Variants in TP53I13 observed in about 807,000 individuals in gnomAD.
TP53I13 encodes tumor protein p53-inducible protein 13.
Under a neutral mutation model 39.1 loss-of-function variants are expected in TP53I13, and 27 were observed. The ratio of observed to expected loss-of-function variants is 0.69; its 90% CI spans 0.51 to 0.95. The LOEUF is 0.95. TP53I13 is among the 40% of genes least tolerant of loss of function. The pLI is 0.00. For missense variants in TP53I13, 544 were observed against 520.4 expected, an observed-to-expected ratio of 1.05 and a Z score of -0.44; for synonymous variants, 230 against 224.6, an observed-to-expected ratio of 1.02 and a Z score of -0.22.
downstream of TP53I13, chr17:29,575,188 G>T: frequency 1.3e-6 from 2 of 1,564,114 alleles, no homozygotes; most frequent in Non-Finnish European, 1.7e-6. The surrounding 1 kb of genome is among the most constrained non-coding windows in gnomAD (Gnocchi z 5.5). Context: ...CTCAAGGGAG[G>T]TTCCCAGGGA....
chr17:29,582,334 C>T, the TP53I13 span, among the ~76,000 whole-genome samples: 55,025 of 152,224 alleles, frequency 0.36, 11,325 homozygotes, highest in East Asian at 0.65. Context: ...CCGTCAGTCA[C>T]CATCTACCAC....
intron 4 of TP53I13, 28 bp from the exon 5 acceptor site, chr17:29,571,829 T>C: frequency 1.9e-6 from 3 of 1,612,834 alleles, no homozygotes; most frequent in Non-Finnish European, 2.5e-6. Flanking sequence ...ACCTTCCTCG[T>C]AGCTCTAACA....
At chr17:29,578,260 C>T in the TP53I13 span, 30 of 1,542,438 alleles carry the variant, frequency 1.9e-5, no homozygotes, top group South Asian at 7.8e-5. Context: ...CTGGGCCGCT[C>T]GGGTCCTCCA....
chr17:29,581,475 A>G, the TP53I13 span: 1 of 1,018,970 alleles, frequency 9.8e-7, no homozygotes, highest in South Asian at 1.3e-5. The surrounding 1 kb of genome is among the most constrained non-coding windows in gnomAD (Gnocchi z 4.8). Context: ...GCTGGCACCC[A>G]GAAGTGTCAG....
chr17:29,577,873 T>G, downstream of TP53I13: 1 of 656,286 alleles, frequency 1.5e-6, no homozygotes. Flanking sequence ...ACAGGGGTGG[T>G]CTTTGGGCAC....
At chr17:29,581,067 C>A in the TP53I13 span, 5 of 509,704 alleles carry the variant, frequency 9.8e-6, no homozygotes, top group Admixed American at 1.6e-4. This position sits in a 1 kb window ranked among gnomAD's most constrained non-coding sequence, Gnocchi z 4.8. Context: ...GCGTGAGCCA[C>A]CGCGCCCGGC....
chr17:29,576,167 C>A, downstream of TP53I13: 1 of 1,611,850 alleles, frequency 6.2e-7, no homozygotes, highest in Middle Eastern at 1.7e-4. Flanking sequence ...CATGGTGGAC[C>A]CTGCGGCAGC....
downstream of TP53I13, chr17:29,574,519 C>A (rs769006617): frequency 2.9e-5 from 19 of 661,660 alleles, no homozygotes; most frequent in Middle Eastern, 2.7e-4. Flanking sequence ...CCTGCCCCCC[C>A]ACCTCCCCAT....
chr17:29,575,930 G>A, downstream of TP53I13: 1 of 1,574,682 alleles, frequency 6.4e-7, no homozygotes, highest in Non-Finnish European at 8.7e-7. This position sits in a 1 kb window ranked among gnomAD's most constrained non-coding sequence, Gnocchi z 5.5. Flanking sequence ...GATGGAGTCA[G>A]TGTGCCCCAC....
downstream of TP53I13, chr17:29,577,144 C>T: frequency 6.2e-7 from 1 of 1,613,456 alleles, no homozygotes; most frequent in Non-Finnish European, 8.5e-7. Context: ...ACCTGTGGGG[C>T]TGCTCAGGCT....
chr17:29,572,885 C>T lies in TP53I13; in HGVS notation c.1143C>T (p.Pro381=), dbSNP rs1212860995. 5 of 1,515,010 alleles carry T rather than the reference C, an allele frequency of 3.3e-6. No homozygotes were observed. The East Asian group carries it at 1.3e-4, about 39-fold the overall frequency. The allele number at this position is 1,515,010 out of a possible 1,614,324, so 93.8% of individuals were successfully genotyped here. Residue 381 remains proline (P), a synonymous_variant, in exon 7 of 7, where the codon CCC becomes CCT. Coordinates refer to ENST00000301057, the MANE Select transcript of TP53I13 (RefSeq NM_138349.4). ...KRSRRRPLLP[P]TPDSGPEGES... ...CGCGCCGGAGACCCCTCCTCCCGCC[C>T]ACGCCGGACAGCGGCCCGGAAGGCG... is the stretch of plus-strand genomic sequence containing the variant.
downstream of TP53I13, chr17:29,577,835 C>CCACGCCTA (rs1222371851): frequency 2.2e-5 from 17 of 778,530 alleles, no homozygotes; most frequent in South Asian, 2.1e-4. Context: ...CTAGCTGCCC[C>CCACGCCTA]CACGCCTACT....
chr17:29,568,817 T>A lies in TP53I13; in HGVS notation c.59T>A (p.Leu20Gln), dbSNP rs2032808246. ...LLLLAALARL[L>Q]GPSEVMAGPA... ...CTCCTGGCAGCCCTCGCGAGGCTCC[T>A]GGGTCCCAGCGAGGTAAGGTGACCC... Residue 20 changes from leucine (L) to glutamine (Q), a missense_variant, in exon 1 of 7, where the codon CTG becomes CAG. By Grantham distance (113) the Leu-to-Gln change is moderately radical. Coordinates refer to ENST00000301057, the MANE Select transcript of TP53I13 (RefSeq NM_138349.4). The surrounding 1 kb of genome is among the most constrained non-coding windows in gnomAD (Gnocchi z 4.5). 1 of 1,599,342 alleles carries A rather than the reference T, an allele frequency of 6.3e-7. No homozygotes were observed. The highest frequency in any genetic ancestry group is 8.5e-7 in the Non-Finnish European group (1 of 1,179,462).
chr17:29,566,796 G>C (rs1395256752), upstream of TP53I13: 1 of 1,513,882 alleles, frequency 6.6e-7, no homozygotes, highest in Admixed American at 2.0e-5. Context: ...CGCTGAACTG[G>C]TCCGCCGGGC....
In TP53I13 at chr17:29,569,078, C is replaced by T. The variant is rs1957278221; in HGVS notation, c.133C>T (p.Pro45Ser). 2.5e-6 allele frequency: 4 copies of T among 1,596,484 alleles called. No homozygotes were observed. The highest frequency in any genetic ancestry group is 3.4e-6 in the Non-Finnish European group (4 of 1,172,078). ...AHCPESLWPL[P>S]PQVSPRVTYT... ...TTGTCCCGAGAGCCTGTGGCCTCTG[C>T]CTCCGCAGGTAGGAGCCCTGGAGGG... The change falls in exon 2 of 7, where the codon CCT becomes TCT. Residue 45 changes from proline to serine, a missense_variant. Transcript: ENST00000301057.
At chr17:29,580,620 G>C in the TP53I13 span, among the ~76,000 whole-genome samples, 1 of 152,140 alleles carries the variant, frequency 6.6e-6, no homozygotes, top group East Asian at 1.9e-4. Context: ...GCACGCTAGA[G>C]GCCTAGCCAG....
chr17:29,571,411 A>G (rs540265239), intron 3 of TP53I13, 180 bp from the exon 4 acceptor site: 27 of 726,556 alleles, frequency 3.7e-5, no homozygotes, highest in Non-Finnish European at 5.0e-5. Context: ...AGGAACACTC[A>G]GAGGCAAGAG....
chr17:29,568,048 G>C (rs1180532460), upstream of TP53I13: 4 of 152,174 alleles, frequency 2.6e-5, no homozygotes, highest in Non-Finnish European at 5.9e-5. The surrounding 1 kb of genome is among the most constrained non-coding windows in gnomAD (Gnocchi z 4.5). Flanking sequence ...GCCACCGCTG[G>C]GCGACGGCGG....
downstream of TP53I13, chr17:29,574,180 AGGTTGGGGC>A (rs2033097346): frequency 6.6e-6 from 1 of 152,488 alleles, no homozygotes; most frequent in Admixed American, 6.5e-5. Context: ...CCCAGCACAC[AGGTTGGGGC>A]CTGTGCCCTA....
Sources: allele counts gnomAD v4.1 joint callset (sites outside exome capture counted in the v4.1 genomes callset), GRCh38; gene constraint gnomAD v4.1.1; non-coding constraint Gnocchi (gnomAD v3.1); transcripts MANE v1.5; gene names NCBI Gene and HGNC (gene_info 2026-07-23, HGNC 2026-07-21).